ADAMTS13: variants seen among roughly 807,000 people sequenced by gnomAD.
ADAMTS13 encodes the protein ADAM metallopeptidase with thrombospondin type 1 motif 13.
ADAMTS13 carries 110 observed loss-of-function variants against 155.1 expected under a neutral mutation model. The ratio of observed to expected loss-of-function variants is 0.71; its 90% confidence interval spans 0.61 to 0.83. The LOEUF (loss-of-function observed/expected upper bound fraction) is 0.83. ADAMTS13 is among the 40% of genes least tolerant of loss of function. The pLI is 0.00. For synonymous variants in ADAMTS13, 758 were observed against 756.4 expected (o/e 1.00, Z -0.03); for missense variants, 1,707 against 1,891.7 (o/e 0.90, Z 1.81).
At chr9:133,428,798 C>A in intron 7 of ADAMTS13, 27 bp downstream of exon 7, 2 of 1,277,310 alleles carry the variant, frequency 1.6e-6, no homozygotes, top group South Asian at 2.4e-5. Flanking sequence ...GGGAGGGGCG[C>A]GCGAGCCTCC....
At chr9:133,426,117 C>T in intron 5 of ADAMTS13, 55 bp downstream of exon 5, 1 of 1,613,958 alleles carries the variant, frequency 6.2e-7, no homozygotes, top group Non-Finnish European at 8.5e-7. Context: ...GCTGCTCCCT[C>T]AGCCTCCTGC....
intron 11 of ADAMTS13, among the ~76,000 whole-genome samples, chr9:133,434,467 G>A (rs1410020250): frequency 2.0e-5 from 3 of 151,958 alleles, no homozygotes; most frequent in Non-Finnish European, 2.9e-5. Context: ...CACCACGCCC[G>A]GCTAATTTTT....
At chr9:133,452,637 G>C (rs1842501205) in intron 23 of ADAMTS13, among the ~76,000 whole-genome samples, 1 of 152,106 alleles carries the variant, frequency 6.6e-6, no homozygotes, top group Admixed American at 6.6e-5. Context: ...CTACCAGGTA[G>C]CCCTGTTCTC....
Position 133,436,903 on chromosome 9 carries a change from C to T in ADAMTS13, c.1383C>T (p.Ser461=). ...CCGACGGCCAGCCGCTGCGCTCCTC[C>T]CCTGGCGGCGCCTCCTTCTACCACT... is the stretch of plus-strand genomic sequence containing the variant. ...ARTDGQPLRS[S]PGGASFYHWG... Residue 461 remains serine (S), a synonymous_variant, in exon 12 of 29, where the codon TCC becomes TCT. Transcript: ENST00000355699. 2 of 1,588,864 alleles carry T rather than the reference C, an allele frequency of 1.3e-6. No homozygotes were observed. Among genetic ancestry groups the T allele is most frequent in the South Asian group, 2.3e-5 (2 of 87,246 alleles).
rs372245572 is a variant in ADAMTS13 at position 133,445,860 on chromosome 9, G to A, written c.2731+41G>A. The A allele has an allele frequency of 2.6e-6, 4 of 1,529,074 alleles. No homozygotes were observed. In the African/African-American group the frequency reaches 4.1e-5, roughly 16 times the overall value. The allele number at this position is 1,529,074 out of a possible 1,614,324, so 94.7% of individuals were successfully genotyped here. A position where few individuals can be genotyped will look rare whatever the true frequency, so the allele number is the denominator to read the frequency against. ...ATGCTCCTGGGGACCAGCACTCATG[G>A]TAACTCTCCTGTCCACTTGCATCTT... On this transcript the variant is annotated intron_variant, in intron 21 of 28. Coordinates refer to ENST00000355699, the MANE Select transcript of ADAMTS13 (RefSeq NM_139027.6). This position sits in a 1 kb window ranked among gnomAD's most constrained non-coding sequence, Gnocchi z 5.0.
intron 27 of ADAMTS13, chr9:133,457,064 A>G: frequency 2.5e-6 from 1 of 393,058 alleles, no homozygotes; most frequent in Non-Finnish European, 4.7e-6. Context: ...TGTGGAAGCC[A>G]CTGTCCCTCA....
chr9:133,444,567 A>G (rs1841925000), intron 19 of ADAMTS13, among the ~76,000 whole-genome samples: 1 of 152,106 alleles, frequency 6.6e-6, no homozygotes, highest in Non-Finnish European at 1.5e-5. Flanking sequence ...TCAGCCTCCT[A>G]AAGTGCTGAG....
intron 24 of ADAMTS13, among the ~76,000 whole-genome samples, chr9:133,454,982 A>G (rs1278224297): frequency 6.6e-6 from 1 of 152,136 alleles, no homozygotes; most frequent in African/African-American, 2.4e-5. Context: ...TGGAGGGGGC[A>G]TAGGGGCACA....
At position 133,424,448 on chromosome 9, in the gene ADAMTS13, A is replaced by C; in HGVS notation, c.300A>C (p.Thr100=). Reference sequence around the variant, plus strand: ...TCTTCCAGGCTCACCAGGAGGACACAGAGCGCTATGTGCTCACCAACCTCA... The same window carrying C: ...TCTTCCAGGCTCACCAGGAGGACACCGAGCGCTATGTGCTCACCAACCTCA... ...PDVFQAHQED[T]ERYVLTNLNI... The change falls in exon 3 of 29, where the codon ACA becomes ACC. Residue 100 remains threonine (T), a synonymous_variant. Transcript: ENST00000355699. This position sits in a 1 kb window ranked among gnomAD's most constrained non-coding sequence, Gnocchi z 4.3. The C allele has an allele frequency of 6.2e-7, 1 of 1,613,914 alleles. No individual in the cohort carries two copies. The highest frequency in any genetic ancestry group is 8.5e-7 in the Non-Finnish European group (1 of 1,179,956).
At chr9:133,455,538 T>A (rs1426612736) in intron 25 of ADAMTS13, 103 bp downstream of exon 25, 5 of 1,610,532 alleles carry the variant, frequency 3.1e-6, no homozygotes, top group African/African-American at 2.7e-5. Flanking sequence ...CGGGGCCTGC[T>A]CTTCTCCCCG....
In ADAMTS13 at chr9:133,424,091, TC is replaced by T. The variant is rs1840118527; in HGVS notation, c.173-229del. ...GGCAGAGCCACCAGGGCAGTGGGAA[TC>T]TTGTCTTGATGGGGTGACCCAAAGC... On this transcript the variant is annotated intron_variant, in intron 2 of 28. Coordinates refer to ENST00000355699, the MANE Select transcript of ADAMTS13 (RefSeq NM_139027.6). This position sits in a 1 kb window ranked among gnomAD's most constrained non-coding sequence, Gnocchi z 4.3. Among the ~76,000 whole-genome samples the T allele has an allele frequency of 6.6e-6, 1 of 152,194 alleles. No individual in the cohort carries two copies. Among genetic ancestry groups the T allele is most frequent in the Non-Finnish European group, 1.5e-5 (1 of 68,036 alleles).
intron 21 of ADAMTS13, among the ~76,000 whole-genome samples, chr9:133,446,878 G>T (rs1374905141): frequency 6.6e-6 from 1 of 152,070 alleles, no homozygotes; most frequent in East Asian, 1.9e-4. Context: ...TTGTTTTTGA[G>T]ACAGAGTCTC....
At chr9:133,418,685 C>T (rs1366552456), upstream of ADAMTS13, among the ~76,000 whole-genome samples, 1 of 152,162 alleles carries the variant, frequency 6.6e-6, no homozygotes, top group Non-Finnish European at 1.5e-5. Context: ...GGGCTGCATG[C>T]ACCGGTAATC....
Position 133,442,712 on chromosome 9 carries a change from G to C in ADAMTS13, c.2203G>C (p.Glu735Gln). Residue 735 changes from glutamate to glutamine, a missense_variant, in exon 18 of 29, where the codon GAG becomes CAG. By Grantham distance (29) the Glu-to-Gln change is conservative. Coordinates refer to ENST00000355699, the MANE Select transcript of ADAMTS13 (RefSeq NM_139027.6). ...QGSQQPPAWP[E>Q]ACVLEPCPPY... ...GAGCCAGCAGCCACCAGCGTGGCCA[G>C]AGGCCTGCGTGCTCGAACCCTGCCC... The C allele has an allele frequency of 6.2e-7, 1 of 1,613,068 alleles. No homozygotes were observed. Among genetic ancestry groups the C allele is most frequent in the Non-Finnish European group, 8.5e-7 (1 of 1,180,004 alleles).
chr9:133,417,550 G>A, upstream of ADAMTS13: 2 of 1,520,020 alleles, frequency 1.3e-6, no homozygotes, highest in Non-Finnish European at 1.8e-6. Context: ...GGCTACCCAA[G>A]TCTTTCCCTC....
At chr9:133,432,931 TCCTTTGGGTGGGGTC>T (rs1329150092) in intron 9 of ADAMTS13, among the ~76,000 whole-genome samples, 5 of 151,664 alleles carry the variant, frequency 3.3e-5, no homozygotes, top group Non-Finnish European at 7.4e-5. Flanking sequence ...GGTGTGGGGT[TCCTTTGGGTGGGGTC>T]CCTGTGTGAA....
chr9:133,439,341 T>G, intron 14 of ADAMTS13, 25 bp from the exon 15 acceptor site: 53 of 1,536,712 alleles, frequency 3.4e-5, no homozygotes, highest in Non-Finnish European at 4.2e-5. Context: ...GGTCCACGCA[T>G]CTCTCCTTCT....
At position 133,430,060 on chromosome 9, in the gene ADAMTS13, G is replaced by A; in HGVS notation, c.946G>A (p.Gly316Ser). The A allele has an allele frequency of 6.3e-7, 1 of 1,595,212 alleles. No individual in the cohort carries two copies. The highest frequency in any genetic ancestry group is 8.5e-7 in the Non-Finnish European group (1 of 1,176,358). Residue 316 changes from glycine to serine, a missense_variant, in exon 8 of 29, where the codon GGC (glycine) becomes AGC (serine). Physicochemically the swap from Gly to Ser is moderately conservative, Grantham distance 56 (BLOSUM62 0). Around this residue, in one of 3 missense-constraint regions of ADAMTS13, gnomAD observed 733 missense variants for 749.6 expected, o/e 0.98. Transcript: ENST00000355699. ...CAACGAGCAGTGCCGCGTGGCCTTCGGCCCCAAGGCTGTCGCCTGCACCTT... is the reference window on the plus strand; with the variant it reads ...CAACGAGCAGTGCCGCGTGGCCTTCAGCCCCAAGGCTGTCGCCTGCACCTT... ...SANEQCRVAF[G>S]PKAVACTFAR...
intron 27 of ADAMTS13, among the ~76,000 whole-genome samples, chr9:133,457,258 C>T (rs1354886095): frequency 6.6e-6 from 1 of 152,194 alleles, no homozygotes; most frequent in African/African-American, 2.4e-5. Flanking sequence ...CCGAGCTGGC[C>T]GAAGTTGGCT....
Sources: gnomAD v4.1 joint callset for allele counts (sites outside exome capture counted in the v4.1 genomes callset) on GRCh38, gnomAD v4.1.1 for gene constraint, gnomAD v4.1.1 regional missense constraint, Gnocchi (gnomAD v3.1) non-coding constraint, MANE v1.5 for transcripts, NCBI Gene and HGNC (gene_info 2026-07-23, HGNC 2026-07-21) for gene names.